The following JAK1 variants were observed in gnomAD, a reference collection of about 807,000 sequenced individuals.
JAK1 encodes tyrosine-protein kinase JAK1.
Under a neutral mutation model 136.6 loss-of-function variants are expected in JAK1, and 16 were observed. The observed-to-expected ratio is 0.12, with a 90% confidence interval of 0.08 to 0.18. JAK1 has a LOEUF of 0.18. JAK1 is among the 10% of genes least tolerant of loss of function. The probability of loss-of-function intolerance (pLI) is 1.00; values close to 1 mark genes in which losing one functional copy is unlikely to be tolerated. For missense variants in JAK1, 859 were observed against 1,450.1 expected, an observed-to-expected ratio of 0.59 and a Z score of 6.62; for synonymous variants, 492 against 519.5, an observed-to-expected ratio of 0.95 and a Z score of 0.72.
intron 1 of JAK1, among the ~76,000 whole-genome samples, chr1:64,923,654 G>A (rs3928224): frequency 0.98 from 149,167 of 152,290 alleles, 73,110 homozygotes; most frequent in East Asian, 1. Flanking sequence ...CTAAAACTTC[G>A]AAACCACCAG....
At chr1:64,961,024 CCTT>C (rs1646274413) in intron 1 of JAK1, among the ~76,000 whole-genome samples, 1 of 152,132 alleles carries the variant, frequency 6.6e-6, no homozygotes, top group Admixed American at 6.6e-5. Flanking sequence ...AGTAGAAACT[CCTT>C]ATTCACTTCT....
intron 17 of JAK1, among the ~76,000 whole-genome samples, chr1:64,842,222 G>A (rs994758405): frequency 5.9e-5 from 9 of 152,046 alleles, no homozygotes; most frequent in Admixed American, 5.2e-4. Context: ...CAGGCTGGAA[G>A]ACAAAATGCC....
intron 2 of JAK1, among the ~76,000 whole-genome samples, chr1:65,017,142 A>G (rs1383381354): frequency 2.6e-5 from 4 of 152,168 alleles, no homozygotes; most frequent in African/African-American, 9.7e-5. Flanking sequence ...ATTAAAAAAT[A>G]CATCTCCCGA....
chr1:65,013,784 A>G (rs776190790), intron 2 of JAK1, among the ~76,000 whole-genome samples: 2 of 152,252 alleles, frequency 1.3e-5, no homozygotes, highest in Non-Finnish European at 2.9e-5. Flanking sequence ...ATACATAATA[A>G]GCATCACGTA....
chr1:64,909,066 AG>A (rs2100258993), intron 1 of JAK1, among the ~76,000 whole-genome samples: 1 of 152,372 alleles, frequency 6.6e-6, no homozygotes, highest in African/African-American at 2.4e-5. Context: ...ACTGCTATCT[AG>A]CATTATGCTA....
chr1:65,024,343 C>T (rs905947426), intron 2 of JAK1, among the ~76,000 whole-genome samples: 5 of 152,080 alleles, frequency 3.3e-5, no homozygotes, highest in Non-Finnish European at 5.9e-5. Context: ...TTTGCATTTT[C>T]TTAATGATTA....
At chr1:64,888,179 G>GTTGTT (rs954958001) in intron 1 of JAK1, among the ~76,000 whole-genome samples, 10 of 152,080 alleles carry the variant, frequency 6.6e-5, no homozygotes, top group East Asian at 1.9e-4. Context: ...TTTTTCTGTT[G>GTTGTT]TTGTTTTGTT....
At chr1:64,897,843 G>A (rs1285057221) in intron 1 of JAK1, among the ~76,000 whole-genome samples, 4 of 152,022 alleles carry the variant, frequency 2.6e-5, no homozygotes, top group Admixed American at 6.6e-5. Context: ...TGATGGGAAA[G>A]GCATGGGCAT....
At chr1:64,985,737 A>G (rs1646592740) in intron 2 of JAK1, 2 of 678,636 alleles carry the variant, frequency 2.9e-6, no homozygotes, top group Non-Finnish European at 5.4e-6. Context: ...GGCCAGGATC[A>G]GTATTTCAAC....
At chr1:64,847,182 C>T (rs987326551) in intron 13 of JAK1, among the ~76,000 whole-genome samples, 2 of 152,196 alleles carry the variant, frequency 1.3e-5, no homozygotes, top group East Asian at 1.9e-4. Context: ...TCTGGGCTTT[C>T]GTTTTCCAGA....
rs2100924310 is a variant in JAK1, at chr1:64,834,524, C to T, written c.*38G>A. 7.4e-7 allele frequency: 1 copy of T among 1,350,174 alleles called. No homozygotes were observed. The highest frequency in any genetic ancestry group is 1.2e-5 in the South Asian group (1 of 83,386). 83.6% of individuals were successfully genotyped at this position (1,350,174 alleles called of 1,614,324 possible). On this transcript the variant is annotated 3_prime_UTR_variant, in exon 25 of 25. Transcript: ENST00000342505. ...TTGGGCATTTGTTGCAGGAGAAGGA[C>T]TTGATAATCTGTGGAATTTAAATGT...
At chr1:64,934,592 G>A (rs1645756201) in intron 1 of JAK1, among the ~76,000 whole-genome samples, 2 of 152,198 alleles carry the variant, frequency 1.3e-5, no homozygotes, top group African/African-American at 2.4e-5. Context: ...AACCTTGACT[G>A]TTCCCAAGGC....
chr1:64,928,257 AT>A (rs1240376100), intron 1 of JAK1, among the ~76,000 whole-genome samples: 3 of 152,188 alleles, frequency 2.0e-5, no homozygotes, highest in African/African-American at 7.2e-5. Flanking sequence ...AGTCTATCAT[AT>A]TGGCCTCTAG....
At chr1:65,066,860 C>G (rs1648071557) in intron 1 of JAK1, 1 of 152,662 alleles carries the variant, frequency 6.6e-6, no homozygotes, top group South Asian at 2.1e-4. Context: ...GCAAGGGACC[C>G]ACGCCAGCAC....
In JAK1 at chr1:64,845,624, C is replaced by T. The variant is rs761164516; in HGVS notation, c.2004G>A (p.Glu668=). ...VRDVENIMVE[E]FVEGGPLDLF... ...GATCCAGAGGACCCCCTTCCACAAACTCTTCCACCATGATATCTGTAGGCA... is the reference window on the plus strand; with the variant it reads ...GATCCAGAGGACCCCCTTCCACAAATTCTTCCACCATGATATCTGTAGGCA... The change falls in exon 15 of 25, where the codon GAG becomes GAA. Residue 668 remains glutamate (E), a synonymous_variant. Coordinates refer to ENST00000342505, the MANE Select transcript of JAK1 (RefSeq NM_002227.4). 6 of 1,614,094 alleles carry T rather than the reference C, an allele frequency of 3.7e-6. No homozygotes were observed. In the South Asian group the frequency reaches 6.6e-5, roughly 18 times the overall value.
chr1:64,902,100 T>C (rs1386519981), intron 1 of JAK1, among the ~76,000 whole-genome samples: 2 of 152,244 alleles, frequency 1.3e-5, no homozygotes, highest in Non-Finnish European at 2.9e-5. Context: ...GTATTCTTTA[T>C]CACAGTTTTC....
intron 2 of JAK1, among the ~76,000 whole-genome samples, chr1:64,977,838 C>T (rs1646510933): frequency 6.6e-6 from 1 of 151,864 alleles, no homozygotes; most frequent in African/African-American, 2.4e-5. Context: ...CTCATTTAAT[C>T]CTGGCTTCCC....
chr1:64,938,041 A>G (rs1197046538), intron 1 of JAK1, among the ~76,000 whole-genome samples: 1 of 151,800 alleles, frequency 6.6e-6, no homozygotes. Context: ...CACCACACCC[A>G]GCTAATTTTT....
rs1284722521 is a variant in JAK1, at chr1:64,844,744, G to A, written c.2251+10C>T. 6.2e-7 allele frequency: 1 copy of A among 1,613,846 alleles called. No individual in the cohort carries two copies. The highest frequency in any genetic ancestry group is 1.1e-5 in the South Asian group (1 of 91,076). On this transcript the variant is annotated intron_variant, in intron 16 of 24. Transcript: ENST00000342505. The surrounding 1 kb of genome is among the most constrained non-coding windows in gnomAD (Gnocchi z 5.7). ...GGGGTGGGGCCAGAGGGAAGAGAGG[G>A]GAGACACACCTTGCCTAGACAGCAC...
Sources: gnomAD v4.1 joint callset for allele counts (sites outside exome capture counted in the v4.1 genomes callset) on GRCh38, gnomAD v4.1.1 for gene constraint, Gnocchi (gnomAD v3.1) non-coding constraint, MANE v1.5 for transcripts, NCBI Gene and HGNC (gene_info 2026-07-23, HGNC 2026-07-21) for gene names.